The following MACF1 variants were observed in gnomAD, a reference collection of about 807,000 sequenced individuals.
The protein encoded by MACF1 is microtubule-actin cross-linking factor 1.
A neutral mutation model predicts 854.8 loss-of-function variants in MACF1; 193 were observed. That is an observed-to-expected ratio of 0.23 (90% CI 0.20 to 0.25). The LOEUF (loss-of-function observed/expected upper bound fraction) is 0.25, where lower values mean the gene tolerates loss of function less well. Ranked by LOEUF, MACF1 falls within the 10% of genes least tolerant of loss-of-function variation. MACF1 has a pLI of 1.00. For missense variants in MACF1, 7,722 were observed against 8,929.1 expected, an observed-to-expected ratio of 0.86 and a Z score of 5.45; for synonymous variants, 3,185 against 3,226.7, an observed-to-expected ratio of 0.99 and a Z score of 0.44.
intron 97 of MACF1, among the ~76,000 whole-genome samples, chr1:39,477,320 G>C (rs1644928225): frequency 6.6e-6 from 1 of 151,670 alleles, no homozygotes; most frequent in Non-Finnish European, 1.5e-5. Context: ...GACTTCCCAG[G>C]CTCAAGCAAT....
intron 58 of MACF1, among the ~76,000 whole-genome samples, chr1:39,393,272 C>T (rs143002411): frequency 6.9e-6 from 1 of 144,160 alleles, no homozygotes; most frequent in African/African-American, 2.6e-5. Flanking sequence ...TTGAAATTCC[C>T]TACGTAGGTT....
At chr1:39,463,115 A>G (rs114564462) in intron 93 of MACF1, among the ~76,000 whole-genome samples, 1,582 of 152,334 alleles carry the variant, frequency 0.01, 32 homozygotes, top group African/African-American at 0.035. Context: ...TGTCTCAATT[A>G]GTTCACTTAG....
chr1:39,205,549 T>A (rs1045872394), intron 1 of MACF1, among the ~76,000 whole-genome samples: 3 of 152,144 alleles, frequency 2.0e-5, no homozygotes, highest in Non-Finnish European at 4.4e-5. Context: ...AGATTTGGGT[T>A]GGAGAAGTTT....
At chr1:39,225,258 G>A (rs1048838417) in intron 1 of MACF1, among the ~76,000 whole-genome samples, 9 of 133,572 alleles carry the variant, frequency 6.7e-5, no homozygotes, top group African/African-American at 2.3e-4. Context: ...CGCCCAGGCC[G>A]GACTGCGGAC....
chr1:39,178,907 C>G (rs540751745), intron 2 of MACF1, among the ~76,000 whole-genome samples: 1 of 152,280 alleles, frequency 6.6e-6, no homozygotes, highest in African/African-American at 2.4e-5. Context: ...TTATTGTCAG[C>G]CTTAGCCGCC....
At chr1:39,150,848 C>T (rs981218889) in intron 2 of MACF1, among the ~76,000 whole-genome samples, 3 of 152,106 alleles carry the variant, frequency 2.0e-5, no homozygotes, top group East Asian at 1.9e-4. Context: ...TCCTCATTTT[C>T]GTATTTATCT....
intron 2 of MACF1, among the ~76,000 whole-genome samples, chr1:39,170,674 T>C (rs1245474737): frequency 6.6e-6 from 1 of 152,238 alleles, no homozygotes; most frequent in Non-Finnish European, 1.5e-5. Context: ...TATCCACTGA[T>C]ACAAATGTAT....
intron 1 of MACF1, among the ~76,000 whole-genome samples, chr1:39,205,517 T>C (rs1644439805): frequency 6.6e-6 from 1 of 152,118 alleles, no homozygotes; most frequent in Non-Finnish European, 1.5e-5. Context: ...ATACAGTAAC[T>C]CTTTTACCCT....
chr1:39,421,131 C>T (rs1307499395), intron 58 of MACF1, among the ~76,000 whole-genome samples: 1 of 152,232 alleles, frequency 6.6e-6, no homozygotes, highest in African/African-American at 2.4e-5. Context: ...TCCCAAAGTG[C>T]TGGGATTACA....
intron 53 of MACF1, 126 bp from the exon 54 acceptor site, chr1:39,379,077 T>G (rs1649967241): frequency 9.8e-7 from 1 of 1,023,936 alleles, no homozygotes; most frequent in Admixed American, 2.6e-5. Context: ...TTTGTATGAT[T>G]TAGCAGGAAG....
intron 2 of MACF1, among the ~76,000 whole-genome samples, chr1:39,163,356 A>G (rs1206525013): frequency 3.6e-4 from 54 of 150,656 alleles, no homozygotes; most frequent in African/African-American, 9.9e-4. Flanking sequence ...AAAAAAAAAA[A>G]AAAAGAAAAG....
At chr1:39,292,156 A>C (rs936884211) in intron 16 of MACF1, 118 bp downstream of exon 16, 61 of 1,188,080 alleles carry the variant, frequency 5.1e-5, no homozygotes, top group Middle Eastern at 4.1e-4. Context: ...AATAATGATG[A>C]TGAAGAGCGG....
chr1:39,452,114 A>C (rs1453664056), intron 85 of MACF1, 42 bp from the exon 86 acceptor site: 2 of 1,512,354 alleles, frequency 1.3e-6, no homozygotes, highest in East Asian at 2.3e-5. Context: ...TTGGACTCAA[A>C]ACATTCCTTG....
intron 2 of MACF1, among the ~76,000 whole-genome samples, chr1:39,181,603 C>T (rs920123416): frequency 3.3e-5 from 5 of 152,022 alleles, no homozygotes; most frequent in African/African-American, 1.2e-4. Flanking sequence ...ATAGTCAAAA[C>T]AATCTTGAAA....
chr1:39,370,386 T>G (rs1321573356), intron 51 of MACF1, among the ~76,000 whole-genome samples, 200 bp downstream of exon 51: 1 of 152,196 alleles, frequency 6.6e-6, no homozygotes, highest in African/African-American at 2.4e-5. Context: ...CTTTGTATGT[T>G]TGAGAATTAG....
chr1:39,426,078 G>T lies in MACF1; in HGVS notation c.16317-1377G>T, dbSNP rs532571400. Among the ~76,000 whole-genome samples, 10 of 152,116 alleles carry T rather than the reference G, an allele frequency of 6.6e-5. No individual in the cohort carries two copies. In the South Asian group the frequency reaches 2.1e-3, roughly 32 times the overall value. ...AAATTTTCAGATTCCAAAATCAAAT[G>T]AGTAAGAAAGACATAAAAATTAGAG... On this transcript the variant is annotated intron_variant, in intron 61 of 100. Coordinates refer to ENST00000564288, the MANE Select transcript of MACF1 (RefSeq NM_001394062.1).
At chr1:39,381,386 G>GC (rs928963065) in intron 55 of MACF1, among the ~76,000 whole-genome samples, 8 of 145,694 alleles carry the variant, frequency 5.5e-5, no homozygotes, top group Non-Finnish European at 9.1e-5. Flanking sequence ...TTTGGGGGGG[G>GC]GGACAGGGTC....
chr1:39,425,860 G>A (rs1029147710), intron 61 of MACF1, among the ~76,000 whole-genome samples: 42 of 152,168 alleles, frequency 2.8e-4, no homozygotes, highest in African/African-American at 9.9e-4. Flanking sequence ...TAAAGTCATG[G>A]TTTGTTTATC....
rs573883444 is a variant in MACF1 at position 39,395,270 on chromosome 1, C to G, written c.15816+6612C>G. ...AGGCAGAATTACCCTCTGTTGAGAA[C>G]TATAGCCCTGGAAGAAATTGCCACC... is the stretch of plus-strand genomic sequence containing the variant. On this transcript the variant is annotated intron_variant, in intron 58 of 100. Coordinates refer to ENST00000564288, the MANE Select transcript of MACF1 (RefSeq NM_001394062.1). 2.0e-5 allele frequency among the ~76,000 whole-genome samples: 3 copies of G among 152,228 alleles called. No individual in the cohort carries two copies. The East Asian group carries it at 5.8e-4, about 29-fold the overall frequency.
Sources: gnomAD v4.1 joint callset for allele counts (sites outside exome capture counted in the v4.1 genomes callset) on GRCh38, gnomAD v4.1.1 for gene constraint, MANE v1.5 for transcripts, NCBI Gene and HGNC (gene_info 2026-07-23, HGNC 2026-07-21) for gene names.